The following MAP3K9 variants were observed in gnomAD, a reference collection of about 807,000 sequenced individuals.
MAP3K9 encodes mixed lineage kinase 1 (tyr and ser/thr specificity).
Under a neutral mutation model 95.8 loss-of-function variants are expected in MAP3K9, and 46 were observed. The ratio of observed to expected loss-of-function variants is 0.48; its 90% confidence interval spans 0.38 to 0.61. The LOEUF is 0.61. Ranked by LOEUF, MAP3K9 falls within the 20% of genes least tolerant of loss-of-function variation. MAP3K9 has a pLI of 0.00. For synonymous variants in MAP3K9, 533 were observed against 593.8 expected (o/e 0.90, Z 1.49); for missense variants, 1,296 against 1,474.3 (o/e 0.88, Z 1.98).
chr14:70,765,761 C>A (rs112857683), intron 2 of MAP3K9, among the ~76,000 whole-genome samples: 63 of 103,066 alleles, frequency 6.1e-4, no homozygotes, highest in East Asian at 1.8e-3. Flanking sequence ...CAAAAAAAAA[C>A]AAAAAAAAAA....
intron 8 of MAP3K9, among the ~76,000 whole-genome samples, chr14:70,736,307 T>C (rs1027577581): frequency 2.0e-5 from 3 of 152,218 alleles, no homozygotes; most frequent in Non-Finnish European, 4.4e-5. Context: ...ATGCATGTTT[T>C]GGACAAATAT....
intron 9 of MAP3K9, among the ~76,000 whole-genome samples, chr14:70,735,390 A>G (rs1323664318): frequency 2.1e-5 from 3 of 142,474 alleles, no homozygotes; most frequent in Non-Finnish European, 3.0e-5. Context: ...TTTTAAGTCT[A>G]GGAAGAATCA....
At chr14:70,741,947 C>CA (rs1326284614) in intron 6 of MAP3K9, among the ~76,000 whole-genome samples, 3 of 151,816 alleles carry the variant, frequency 2.0e-5, no homozygotes, top group East Asian at 3.9e-4. Flanking sequence ...AACTCTGTCT[C>CA]AAAAAAAAGA....
Position 70,730,307 on chromosome 14 carries a change from A to C in MAP3K9, c.*73T>G. ...CTGGATCTCAGGGGGTCCAACCCTG[A>C]GAAAGGGCTGTGCCCGCCAGCTCCC... is the stretch of plus-strand genomic sequence containing the variant. On this transcript the variant is annotated 3_prime_UTR_variant, in exon 12 of 12. Transcript: ENST00000554752. 1 of 1,538,122 alleles carries C rather than the reference A, an allele frequency of 6.5e-7. No individual in the cohort carries two copies. The highest frequency in any genetic ancestry group is 8.8e-7 in the Non-Finnish European group (1 of 1,140,620).
rs1237931013 is a variant in MAP3K9 at position 70,727,609 on chromosome 14, A to G, written c.*2771T>C. ...AGCCACTGAGACCTGCTACTACTAT[A>G]CAGATCCTTAGCCCATCTCCAACCT... On this transcript the variant is annotated 3_prime_UTR_variant, in exon 12 of 12. Transcript: ENST00000554752. 1 of 152,330 alleles carries G rather than the reference A, an allele frequency of 6.6e-6. No homozygotes were observed. Among genetic ancestry groups the G allele is most frequent in the African/African-American group, 2.4e-5 (1 of 41,416 alleles). The allele number at this position is 152,330 out of a possible 1,614,324, so 9.4% of individuals were successfully genotyped here. A position where few individuals can be genotyped will look rare whatever the true frequency, so the allele number is the denominator to read the frequency against.
intron 1 of MAP3K9, among the ~76,000 whole-genome samples, chr14:70,802,709 T>A (rs1236257570): frequency 6.6e-6 from 1 of 152,130 alleles, no homozygotes; most frequent in Non-Finnish European, 1.5e-5. Flanking sequence ...ACAAGAGGCA[T>A]CAAGATTATA....
chr14:70,758,635 C>G (rs2054328677), intron 3 of MAP3K9, among the ~76,000 whole-genome samples: 1 of 152,016 alleles, frequency 6.6e-6, no homozygotes, highest in Non-Finnish European at 1.5e-5. Context: ...TTATAACAGC[C>G]AAAAAGCAAA....
chr14:70,772,823 C>A (rs1320194466), intron 2 of MAP3K9, among the ~76,000 whole-genome samples: 2 of 152,140 alleles, frequency 1.3e-5, no homozygotes, highest in Admixed American at 6.5e-5. Context: ...CTCATCAATA[C>A]GGAAAGTAGG....
At chr14:70,792,390 T>G (rs1467862544) in intron 2 of MAP3K9, among the ~76,000 whole-genome samples, 1 of 152,206 alleles carries the variant, frequency 6.6e-6, no homozygotes, top group Non-Finnish European at 1.5e-5. Context: ...CAGAAGTACC[T>G]GAGCCAGGTA....
At chr14:70,754,920 A>C (rs894574338) in intron 3 of MAP3K9, among the ~76,000 whole-genome samples, 1 of 152,216 alleles carries the variant, frequency 6.6e-6, no homozygotes, top group African/African-American at 2.4e-5. Context: ...CAATTTCAGC[A>C]ATAGCCTTCT....
intron 2 of MAP3K9, among the ~76,000 whole-genome samples, chr14:70,768,462 C>T (rs1355528422): frequency 6.6e-6 from 1 of 151,958 alleles, no homozygotes; most frequent in Non-Finnish European, 1.5e-5. Flanking sequence ...GAGCCTAAGG[C>T]CTGCCTTCTC....
At chr14:70,781,163 C>T (rs1455424143) in intron 2 of MAP3K9, among the ~76,000 whole-genome samples, 2 of 152,216 alleles carry the variant, frequency 1.3e-5, no homozygotes, top group East Asian at 1.9e-4. Flanking sequence ...TGACAATGCC[C>T]GACTTCTAAG....
intron 3 of MAP3K9, 52 bp downstream of exon 3, chr14:70,760,950 G>T: frequency 6.3e-7 from 1 of 1,580,676 alleles, no homozygotes; most frequent in Non-Finnish European, 8.6e-7. Flanking sequence ...TGAAATGTGT[G>T]TGCCACCAAG....
chr14:70,743,175 AT>A (rs541759569), intron 5 of MAP3K9, among the ~76,000 whole-genome samples: 233 of 152,048 alleles, frequency 1.5e-3, no homozygotes, highest in Non-Finnish European at 2.8e-3. Context: ...TTTAGTAGAG[AT>A]TAGGTTTTAC....
intron 2 of MAP3K9, among the ~76,000 whole-genome samples, chr14:70,772,123 C>T (rs1359239540): frequency 6.6e-6 from 1 of 152,200 alleles, no homozygotes; most frequent in South Asian, 2.1e-4. Flanking sequence ...GCGGTGCTGC[C>T]TAGAGATGGA....
At chr14:70,731,271 C>A (rs2053898833) in intron 11 of MAP3K9, among the ~76,000 whole-genome samples, 1 of 151,786 alleles carries the variant, frequency 6.6e-6, no homozygotes, top group Non-Finnish European at 1.5e-5. Flanking sequence ...CATGATGAAA[C>A]CCCATCTCTA....
intron 3 of MAP3K9, 101 bp from the exon 4 acceptor site, chr14:70,750,182 G>A: frequency 2.8e-6 from 3 of 1,060,718 alleles, no homozygotes; most frequent in Non-Finnish European, 4.2e-6. Flanking sequence ...CTCCCCAACA[G>A]ATAGTGAGAC....
chr14:70,801,200 TC>T (rs2054926520), intron 1 of MAP3K9, 120 bp from the exon 2 acceptor site: 2 of 930,188 alleles, frequency 2.2e-6, no homozygotes, highest in Non-Finnish European at 3.1e-6. Context: ...CCTTTCTGTC[TC>T]CCCATTATAA....
At position 70,809,473 on chromosome 14, in the gene MAP3K9, G is replaced by A. The variant is rs1472236524; in HGVS notation, c.-302C>T. 1.9e-5 allele frequency: 4 copies of A among 212,472 alleles called. No homozygotes were observed. The highest frequency in any genetic ancestry group is 3.7e-5 in the Non-Finnish European group (4 of 107,908). 13.2% of individuals were successfully genotyped at this position (212,472 alleles called of 1,614,324 possible). A position where few individuals can be genotyped will look rare whatever the true frequency, so the allele number is the denominator to read the frequency against. On this transcript the variant is annotated 5_prime_UTR_variant, in exon 1 of 12. Transcript: ENST00000554752. ...GCCGCCGGTACCTGCTCGCGCAGCC[G>A]GTGCCCGCCGCTGCCAGCCGGCCGC...
Sources: gnomAD v4.1 joint callset for allele counts (sites outside exome capture counted in the v4.1 genomes callset) on GRCh38, gnomAD v4.1.1 for gene constraint, MANE v1.5 for transcripts, NCBI Gene and HGNC (gene_info 2026-07-23, HGNC 2026-07-21) for gene names.